NDRG2: variants seen among roughly 807,000 people sequenced by gnomAD.
NDRG2 encodes the protein protein NDRG2.
In NDRG2, 34 loss-of-function variants were observed where a neutral mutation model predicts 58.2. That is an observed-to-expected ratio of 0.58 (90% CI 0.44 to 0.78). The LOEUF (loss-of-function observed/expected upper bound fraction) is 0.78. Among genes scored for constraint, NDRG2 ranks in the 30% least tolerant of loss-of-function variants. NDRG2 has a pLI of 0.00. For synonymous variants in NDRG2, 187 were observed against 175.9 expected, an observed-to-expected ratio of 1.06 and a Z score of -0.50; for missense variants, 434 against 471.2, an observed-to-expected ratio of 0.92 and a Z score of 0.73.
intron 5 of NDRG2, 32 bp downstream of exon 5, chr14:21,022,030 G>A (rs1241976906): frequency 5.0e-6 from 8 of 1,613,976 alleles, no homozygotes; most frequent in South Asian, 2.2e-5. Context: ...GTTCCTCACA[G>A]TCTGGTGAAG....
intron 1 of NDRG2, chr14:21,058,060 C>T (rs1168637113): frequency 8.1e-6 from 13 of 1,614,192 alleles, no homozygotes; most frequent in Non-Finnish European, 1.0e-5. Context: ...CCATGAGCAT[C>T]ATCAATAAGT....
intron 1 of NDRG2, among the ~76,000 whole-genome samples, chr14:21,068,441 C>T (rs1215953903): frequency 6.6e-6 from 1 of 152,030 alleles, no homozygotes; most frequent in Non-Finnish European, 1.5e-5. Flanking sequence ...TTGGACCCTA[C>T]CAAGTGTTCC....
intron 1 of NDRG2, among the ~76,000 whole-genome samples, chr14:21,050,046 A>AT (rs932824577): frequency 6.6e-6 from 1 of 152,202 alleles, no homozygotes; most frequent in Non-Finnish European, 1.5e-5. Flanking sequence ...AAGTGTTGGG[A>AT]TTACAGGTGA....
At chr14:21,030,849 T>G in intron 1 of NDRG2, 1 of 1,520,790 alleles carries the variant, frequency 6.6e-7, no homozygotes. Flanking sequence ...GCAGTGGGCC[T>G]ACCAAGCACC....
intron 1 of NDRG2, among the ~76,000 whole-genome samples, chr14:21,066,967 C>G (rs1886301313): frequency 6.6e-6 from 1 of 152,182 alleles, no homozygotes; most frequent in South Asian, 2.1e-4. Context: ...AACACGTGCT[C>G]TCAAGTCCGT....
chr14:21,018,397 G>C, intron 13 of NDRG2, 60 bp downstream of exon 13: 3 of 1,610,624 alleles, frequency 1.9e-6, no homozygotes, highest in South Asian at 2.2e-5. Flanking sequence ...TGGAGGCTTA[G>C]CAGCTGCATG....
At chr14:21,025,712 C>CT, upstream of NDRG2, 1 of 985,094 alleles carries the variant, frequency 1.0e-6, no homozygotes, top group Non-Finnish European at 1.2e-6. The surrounding 1 kb of genome is among the most constrained non-coding windows in gnomAD (Gnocchi z 5.1). Flanking sequence ...CGCCTGCTCT[C>CT]CGGCTGCTCC....
chr14:21,038,174 ATC>A (rs1884737793), intron 1 of NDRG2, among the ~76,000 whole-genome samples: 1 of 152,064 alleles, frequency 6.6e-6, no homozygotes, highest in Non-Finnish European at 1.5e-5. Flanking sequence ...TCACTTCCTC[ATC>A]TGTTAACCAT....
intron 1 of NDRG2, among the ~76,000 whole-genome samples, chr14:21,066,528 GT>G (rs1886277751): frequency 6.6e-6 from 1 of 152,132 alleles, no homozygotes; most frequent in Admixed American, 6.5e-5. Flanking sequence ...CCATGTTGGG[GT>G]TTCCCCATGT....
At chr14:21,063,357 G>A (rs546483563) in intron 1 of NDRG2, among the ~76,000 whole-genome samples, 1 of 152,252 alleles carries the variant, frequency 6.6e-6, no homozygotes, top group South Asian at 2.1e-4. Flanking sequence ...CTCATCTGAA[G>A]TGCAAATATC....
chr14:21,033,678 A>G, intron 1 of NDRG2: 1 of 676,270 alleles, frequency 1.5e-6, no homozygotes, highest in East Asian at 2.6e-5. Flanking sequence ...AGCCCTGGAC[A>G]TTTTCGCACC....
intron 1 of NDRG2, chr14:21,035,815 GA>G: frequency 2.2e-6 from 1 of 456,248 alleles, no homozygotes; most frequent in Non-Finnish European, 4.4e-6. Flanking sequence ...ACCTATGCAA[GA>G]AACCTGAAAG....
intron 1 of NDRG2, among the ~76,000 whole-genome samples, chr14:21,051,355 A>T (rs763304378): frequency 2.0e-5 from 3 of 152,188 alleles, no homozygotes; most frequent in Non-Finnish European, 2.9e-5. Flanking sequence ...AATGTTAACT[A>T]TGATTGTTTT....
intron 1 of NDRG2, among the ~76,000 whole-genome samples, chr14:21,051,690 G>C (rs1281442580): frequency 6.6e-6 from 1 of 152,176 alleles, no homozygotes; most frequent in Non-Finnish European, 1.5e-5. Flanking sequence ...AACAGAGGAG[G>C]GCTTCCCAAA....
chr14:21,049,789 G>C (rs1387335032), intron 1 of NDRG2, among the ~76,000 whole-genome samples: 2 of 145,810 alleles, frequency 1.4e-5, no homozygotes, highest in African/African-American at 5.1e-5. Flanking sequence ...TTTTGAGATA[G>C]AGTCTTGCTC....
chr14:21,058,235 T>C (rs778554663), intron 1 of NDRG2: 1 of 1,614,028 alleles, frequency 6.2e-7, no homozygotes, highest in Middle Eastern at 1.6e-4. Context: ...CTCAGGGAAG[T>C]ACCCAAACTG....
chr14:21,052,496 G>T (rs949377266), intron 1 of NDRG2, among the ~76,000 whole-genome samples: 2 of 152,226 alleles, frequency 1.3e-5, no homozygotes, highest in Admixed American at 6.5e-5. Flanking sequence ...GGGAGGACTT[G>T]CAGGGAAGAG....
intron 1 of NDRG2, among the ~76,000 whole-genome samples, chr14:21,069,823 A>G (rs1267512618): frequency 6.6e-6 from 1 of 152,198 alleles, no homozygotes; most frequent in Non-Finnish European, 1.5e-5. Flanking sequence ...GCCAAAGTCT[A>G]GAAACCGTTG....
chr14:21,025,672 G>C (rs1055281787), upstream of NDRG2: 1 of 985,242 alleles, frequency 1.0e-6, no homozygotes, highest in African/African-American at 1.7e-5. This position sits in a 1 kb window ranked among gnomAD's most constrained non-coding sequence, Gnocchi z 5.1. Flanking sequence ...CCAGAGTCCT[G>C]GTACCTCTCC....
Sources: gnomAD v4.1 joint callset for allele counts (sites outside exome capture counted in the v4.1 genomes callset) on GRCh38, gnomAD v4.1.1 for gene constraint, Gnocchi (gnomAD v3.1) non-coding constraint, MANE v1.5 for transcripts, NCBI Gene and HGNC (gene_info 2026-07-23, HGNC 2026-07-21) for gene names.